CD2AP: variants seen among roughly 807,000 people sequenced by gnomAD.
CD2AP encodes CD2 associated protein.
Under a neutral mutation model 85.1 loss-of-function variants are expected in CD2AP, and 46 were observed. That is an observed-to-expected ratio of 0.54 (90% CI 0.43 to 0.69). CD2AP has a LOEUF of 0.69. Among genes scored for constraint, CD2AP ranks in the 30% least tolerant of loss-of-function variants. CD2AP has a pLI of 0.00. For synonymous variants in CD2AP, 255 were observed against 252.9 expected (o/e 1.01, Z -0.08); for missense variants, 769 against 729.5 (o/e 1.05, Z -0.62).
intron 2 of CD2AP, among the ~76,000 whole-genome samples, chr6:47,514,369 G>A (rs1766399178): frequency 6.6e-6 from 1 of 152,082 alleles, no homozygotes; most frequent in Non-Finnish European, 1.5e-5. Context: ...CTAAAACTGA[G>A]GAGAAACCAG....
intron 17 of CD2AP, among the ~76,000 whole-genome samples, chr6:47,619,064 AT>A (rs1291819119): frequency 2.6e-5 from 4 of 152,178 alleles, no homozygotes; most frequent in Admixed American, 6.5e-5. Flanking sequence ...CTAGCAATGT[AT>A]TTGCCTGATA....
intron 4 of CD2AP, among the ~76,000 whole-genome samples, chr6:47,553,760 T>C (rs1277382266): frequency 6.6e-6 from 1 of 152,106 alleles, no homozygotes; most frequent in Non-Finnish European, 1.5e-5. Context: ...TTCATAGAAA[T>C]TGAGTAATCT....
intron 1 of CD2AP, among the ~76,000 whole-genome samples, chr6:47,498,387 T>C (rs1316030852): frequency 2.6e-5 from 4 of 152,222 alleles, no homozygotes; most frequent in African/African-American, 9.6e-5. Flanking sequence ...TTTATTGTTA[T>C]TATGAAATTG....
At chr6:47,530,897 A>C (rs900855929) in intron 2 of CD2AP, among the ~76,000 whole-genome samples, 51 of 152,308 alleles carry the variant, frequency 3.3e-4, no homozygotes, top group African/African-American at 1.2e-3. Context: ...GTGGACATAT[A>C]TTGCCAGAAC....
At chr6:47,503,103 T>C (rs959097173) in intron 1 of CD2AP, among the ~76,000 whole-genome samples, 177 bp from the exon 2 acceptor site, 3 of 152,228 alleles carry the variant, frequency 2.0e-5, no homozygotes, top group Admixed American at 2.0e-4. Flanking sequence ...TATTAAGATA[T>C]TCAAGAAATT....
chr6:47,606,179 G>T lies in CD2AP; in HGVS notation c.1432G>T (p.Asp478Tyr). The change falls in exon 14 of 18, where the codon GAT becomes TAT. Residue 478 changes from aspartate to tyrosine, a missense_variant. Coordinates refer to ENST00000359314, the MANE Select transcript of CD2AP (RefSeq NM_012120.3). ...TTATTTTCTAGATGTTGTAAATTTT[G>T]ATGACATAGCTTCCTCAGAAAACTT... is the stretch of plus-strand genomic sequence containing the variant. ...TSKETDVVNF[D>Y]DIASSENLLH... is the part of the protein sequence containing the mutation. The T allele has an allele frequency of 1.3e-6, 2 of 1,575,786 alleles. No homozygotes were observed. Among genetic ancestry groups the T allele is most frequent in the Non-Finnish European group, 1.7e-6 (2 of 1,145,512 alleles).
At chr6:47,568,675 C>T (rs1026571275) in intron 5 of CD2AP, among the ~76,000 whole-genome samples, 3 of 152,016 alleles carry the variant, frequency 2.0e-5, no homozygotes, top group Non-Finnish European at 2.9e-5. Context: ...ACCTGGGAGG[C>T]GGAGGTTGCA....
chr6:47,599,264 A>C (rs749595621), intron 12 of CD2AP, 37 bp from the exon 13 acceptor site: 2 of 1,585,218 alleles, frequency 1.3e-6, no homozygotes, highest in Non-Finnish European at 1.7e-6. Context: ...GTCGTGTTTC[A>C]TACTAGTGAT....
Position 47,612,473 on chromosome 6 carries a change from G to A in CD2AP, c.1815G>A (p.Gly605=). The change falls in exon 17 of 18, where the codon GGG becomes GGA. Residue 605 remains glycine (G), a splice_region_variant and synonymous_variant. Transcript: ENST00000359314. ...ACAGTAATAAGTACTTTGTTTTTAG[G>A]AAAGAACTGGAAAAACTGCGAAAAG... is the stretch of plus-strand genomic sequence containing the variant. ...CIVEALKKDH[G]KELEKLRKDL... 1 of 1,589,584 alleles carries A rather than the reference G, an allele frequency of 6.3e-7. No individual in the cohort carries two copies. Among genetic ancestry groups the A allele is most frequent in the Non-Finnish European group, 8.6e-7 (1 of 1,158,322 alleles).
intron 1 of CD2AP, among the ~76,000 whole-genome samples, chr6:47,492,098 C>T (rs546593857): frequency 1.2e-4 from 18 of 151,990 alleles, no homozygotes; most frequent in African/African-American, 3.9e-4. Flanking sequence ...AAACTTTGAC[C>T]GTTTTACTTT....
intron 17 of CD2AP, among the ~76,000 whole-genome samples, chr6:47,615,386 A>C (rs1769549190): frequency 6.6e-6 from 1 of 152,206 alleles, no homozygotes; most frequent in Non-Finnish European, 1.5e-5. Flanking sequence ...ATTTATAAAG[A>C]AAAATTTAAT....
intron 17 of CD2AP, 38 bp from the exon 18 acceptor site, chr6:47,624,148 A>G (rs202146749): frequency 2.0e-6 from 3 of 1,483,276 alleles, no homozygotes; most frequent in Non-Finnish European, 2.8e-6. Context: ...TAAACTAAGG[A>G]TATTTTATGT....
At chr6:47,580,967 G>T in intron 10 of CD2AP, 67 bp downstream of exon 10, 2 of 1,067,832 alleles carry the variant, frequency 1.9e-6, no homozygotes, top group Non-Finnish European at 1.5e-6. Context: ...TGGTAAAATT[G>T]GATCTAATGC....
chr6:47,570,774 G>A (rs1472452273), intron 5 of CD2AP, among the ~76,000 whole-genome samples: 1 of 152,128 alleles, frequency 6.6e-6, no homozygotes, highest in Non-Finnish European at 1.5e-5. Flanking sequence ...CAAATATAAT[G>A]GAGGGGGCAA....
chr6:47,615,558 C>T (rs539691763), intron 17 of CD2AP, among the ~76,000 whole-genome samples: 2 of 151,894 alleles, frequency 1.3e-5, no homozygotes, highest in South Asian at 2.1e-4. Context: ...GGAGGGGCCA[C>T]GCAGTTTTAA....
intron 1 of CD2AP, among the ~76,000 whole-genome samples, chr6:47,480,128 C>T (rs567527466): frequency 2.8e-4 from 42 of 152,140 alleles, no homozygotes; most frequent in Non-Finnish European, 5.6e-4. Context: ...GGTATACTCT[C>T]GACTACTTAG....
chr6:47,496,691 A>G (rs1765865230), intron 1 of CD2AP, among the ~76,000 whole-genome samples: 1 of 152,160 alleles, frequency 6.6e-6, no homozygotes, highest in African/African-American at 2.4e-5. Context: ...TCCTTGCCTC[A>G]TTGTTCTCTG....
intron 3 of CD2AP, among the ~76,000 whole-genome samples, chr6:47,538,645 T>G (rs1158077345): frequency 6.6e-6 from 1 of 152,182 alleles, no homozygotes; most frequent in Non-Finnish European, 1.5e-5. Flanking sequence ...GAACCAAAAA[T>G]TGGGTCAAAA....
At chr6:47,610,960 TATATATA>T (rs1769415253) in intron 16 of CD2AP, among the ~76,000 whole-genome samples, 1 of 105,298 alleles carries the variant, frequency 9.5e-6, no homozygotes, top group South Asian at 3.2e-4. Context: ...TATATATATA[TATATATA>T]TGTATTTTTT....
Sources: gnomAD v4.1 joint callset for allele counts (sites outside exome capture counted in the v4.1 genomes callset) on GRCh38, gnomAD v4.1.1 for gene constraint, MANE v1.5 for transcripts, NCBI Gene and HGNC (gene_info 2026-07-23, HGNC 2026-07-21) for gene names.